The following AFG2A variants were observed in gnomAD, a reference collection of about 807,000 sequenced individuals.
The protein encoded by AFG2A is ATPase family gene 2 protein homolog A.
chr4:123,201,154 G>A, the AFG2A span, among the ~76,000 whole-genome samples: 1 of 152,172 alleles, frequency 6.6e-6, no homozygotes, highest in Non-Finnish European at 1.5e-5. Context: ...GAATTTAAAT[G>A]TTTCAAATAC....
the AFG2A span, among the ~76,000 whole-genome samples, chr4:122,975,942 G>A: frequency 1.2e-4 from 19 of 152,110 alleles, no homozygotes; most frequent in Non-Finnish European, 1.8e-4. Flanking sequence ...GTGTATGTTT[G>A]TACTATTCAC....
chr4:123,208,095 G>A, the AFG2A span, among the ~76,000 whole-genome samples: 1 of 152,080 alleles, frequency 6.6e-6, no homozygotes, highest in Non-Finnish European at 1.5e-5. Flanking sequence ...GTAGACCAAT[G>A]GAATTAGAAT....
chr4:122,996,099 CTG>C, the AFG2A span, among the ~76,000 whole-genome samples: 2 of 152,180 alleles, frequency 1.3e-5, no homozygotes, highest in African/African-American at 4.8e-5. Context: ...AGTATGAAAT[CTG>C]TGCTCATTAG....
the AFG2A span, among the ~76,000 whole-genome samples, chr4:123,016,964 A>T: frequency 3.3e-5 from 5 of 152,184 alleles, no homozygotes; most frequent in Admixed American, 2.6e-4. Flanking sequence ...CACCAAAAAA[A>T]TACGAAAACC....
At chr4:123,172,587 A>G in the AFG2A span, among the ~76,000 whole-genome samples, 1 of 152,222 alleles carries the variant, frequency 6.6e-6, no homozygotes, top group Admixed American at 6.5e-5. Context: ...TGATTCAGGA[A>G]CTGGGTTCAG....
the AFG2A span, among the ~76,000 whole-genome samples, chr4:123,246,260 T>G: frequency 6.6e-6 from 1 of 152,226 alleles, no homozygotes; most frequent in African/African-American, 2.4e-5. Flanking sequence ...AAGACATCTC[T>G]TAAATTGTCC....
the AFG2A span, among the ~76,000 whole-genome samples, chr4:123,168,643 T>G: frequency 6.6e-6 from 1 of 152,196 alleles, no homozygotes; most frequent in African/African-American, 2.4e-5. Flanking sequence ...GCATAGAATA[T>G]TTCAGATATA....
the AFG2A span, among the ~76,000 whole-genome samples, chr4:123,037,238 A>G: frequency 6.6e-6 from 1 of 152,050 alleles, no homozygotes; most frequent in African/African-American, 2.4e-5. Context: ...TTTGTGACTG[A>G]TATGATGTAA....
At chr4:123,158,032 C>A in the AFG2A span, among the ~76,000 whole-genome samples, 2 of 152,140 alleles carry the variant, frequency 1.3e-5, no homozygotes, top group Non-Finnish European at 2.9e-5. Flanking sequence ...CAAATACACA[C>A]ACACACACCC....
the AFG2A span, among the ~76,000 whole-genome samples, chr4:122,938,939 C>T: frequency 6.6e-6 from 1 of 151,852 alleles, no homozygotes; most frequent in Admixed American, 6.6e-5. Flanking sequence ...TCTTATTACC[C>T]ATGTACAAAT....
chr4:123,088,064 T>C, the AFG2A span, among the ~76,000 whole-genome samples: 1 of 152,192 alleles, frequency 6.6e-6, no homozygotes, highest in South Asian at 2.1e-4. Flanking sequence ...CCAAACTCCA[T>C]GATTTGGATA....
chr4:122,971,119 A>C, the AFG2A span, among the ~76,000 whole-genome samples: 15 of 152,318 alleles, frequency 9.8e-5, no homozygotes, highest in African/African-American at 3.6e-4. Flanking sequence ...TAATTTTAAT[A>C]GTGTGGGCCA....
At chr4:122,937,814 T>C in the AFG2A span, among the ~76,000 whole-genome samples, 1 of 152,184 alleles carries the variant, frequency 6.6e-6, no homozygotes, top group Non-Finnish European at 1.5e-5. Context: ...AGCTTCTGAA[T>C]TGATCCAGTC....
chr4:123,123,951 C>CAAAAAA, the AFG2A span, among the ~76,000 whole-genome samples: 18 of 35,766 alleles, frequency 5.0e-4, 1 homozygote, highest in African/African-American at 1.4e-3. Context: ...AACTCCGTCT[C>CAAAAAA]AAAAAAAAAA....
At chr4:123,283,358 A>AAAG in the AFG2A span, among the ~76,000 whole-genome samples, 4 of 148,998 alleles carry the variant, frequency 2.7e-5, no homozygotes, top group African/African-American at 9.9e-5. Flanking sequence ...GGAAAAAAAA[A>AAAG]AGAGAGAGAG....
the AFG2A span, among the ~76,000 whole-genome samples, chr4:122,924,616 A>G: frequency 4.6e-5 from 7 of 152,170 alleles, no homozygotes; most frequent in East Asian, 3.9e-4. Flanking sequence ...TCTTAGTCCA[A>G]AACCTTTTTT....
At chr4:122,986,532 G>A in the AFG2A span, among the ~76,000 whole-genome samples, 1 of 152,188 alleles carries the variant, frequency 6.6e-6, no homozygotes, top group Non-Finnish European at 1.5e-5. Context: ...TCACTGATAT[G>A]TGGGAGCTAA....
At chr4:123,013,027 G>A in the AFG2A span, among the ~76,000 whole-genome samples, 28 of 152,242 alleles carry the variant, frequency 1.8e-4, no homozygotes, top group Admixed American at 1.3e-4. Context: ...CCTGGGTGTC[G>A]GCGGGCTGAG....
the AFG2A span, among the ~76,000 whole-genome samples, chr4:123,019,284 AT>A: frequency 2.0e-5 from 3 of 149,228 alleles, no homozygotes; most frequent in African/African-American, 7.3e-5. Flanking sequence ...ACCCAAGACC[AT>A]TTTTTTTTTT....
Sources: gnomAD v4.1 joint callset for allele counts (sites outside exome capture counted in the v4.1 genomes callset) on GRCh38, gnomAD v4.1.1 for gene constraint, MANE v1.5 for transcripts, NCBI Gene and HGNC (gene_info 2026-07-23, HGNC 2026-07-21) for gene names.